FRY: variants seen among roughly 807,000 people sequenced by gnomAD.
The protein encoded by FRY is FRY microtubule binding protein.
A neutral mutation model predicts 348.4 loss-of-function variants in FRY; 128 were observed. The observed-to-expected ratio is 0.37, with a 90% CI of 0.32 to 0.43. The LOEUF is 0.43. FRY is among the 20% of genes least tolerant of loss of function. The pLI is 1.00. For missense variants in FRY, 2,736 were observed against 3,695.2 expected (o/e 0.74, Z 6.73); for synonymous variants, 1,370 against 1,374.7 (o/e 1.00, Z 0.08).
chr13:32,058,338 T>C (rs1303544424), intron 1 of FRY, among the ~76,000 whole-genome samples: 1 of 152,246 alleles, frequency 6.6e-6, no homozygotes, highest in Non-Finnish European at 1.5e-5. Flanking sequence ...ATCTGTTGCA[T>C]AAAATGCTAT....
At chr13:32,235,269 A>G (rs1404621834) in intron 42 of FRY, among the ~76,000 whole-genome samples, 2 of 152,230 alleles carry the variant, frequency 1.3e-5, no homozygotes, top group Admixed American at 1.3e-4. Context: ...TGGGAAGCTG[A>G]ACAGGTTGAG....
At chr13:32,041,313 A>G (rs1298898631) in intron 1 of FRY, among the ~76,000 whole-genome samples, 5 of 56,814 alleles carry the variant, frequency 8.8e-5, no homozygotes, top group African/African-American at 3.3e-4. Context: ...TTTTTTTTTG[A>G]GACAGAGTCT....
intron 2 of FRY, among the ~76,000 whole-genome samples, chr13:32,082,542 A>T (rs988897192): frequency 6.6e-6 from 1 of 152,228 alleles, no homozygotes; most frequent in Admixed American, 6.5e-5. Context: ...GCAGAAAATA[A>T]ATAATGGATA....
rs148726118 is a variant in FRY, at chr13:32,241,424, C to T, written c.6687+1543C>T. Among the ~76,000 whole-genome samples the T allele has an allele frequency of 4.1e-3, 631 of 152,314 alleles. 5 individuals are homozygous for T. Among genetic ancestry groups the T allele is most frequent in the South Asian group, 0.03 (143 of 4,828 alleles). ...ACAAAAGGACAAATATGACAAGATT[C>T]TGCTTATATGAGGTACAGAGATTAA... On this transcript the variant is annotated intron_variant, in intron 46 of 60. Coordinates refer to ENST00000542859, the MANE Select transcript of FRY (RefSeq NM_023037.3).
At chr13:32,046,322 A>G (rs949580924) in intron 1 of FRY, among the ~76,000 whole-genome samples, 1 of 152,178 alleles carries the variant, frequency 6.6e-6, no homozygotes, top group Non-Finnish European at 1.5e-5. Context: ...AGTTCTTGCT[A>G]TTGACCCACG....
chr13:32,284,850 T>A (rs551208995), intron 58 of FRY, among the ~76,000 whole-genome samples: 1 of 152,352 alleles, frequency 6.6e-6, no homozygotes, highest in South Asian at 2.1e-4. Flanking sequence ...CTTAGATTTT[T>A]ACTGACTGGT....
chr13:32,046,389 A>T (rs1873017790), intron 1 of FRY, among the ~76,000 whole-genome samples: 1 of 152,128 alleles, frequency 6.6e-6, no homozygotes, highest in African/African-American at 2.4e-5. Flanking sequence ...GTTAATGCCA[A>T]AAGATCTACC....
At chr13:32,207,620 A>C (rs1468932107) in intron 31 of FRY, among the ~76,000 whole-genome samples, 2 of 152,232 alleles carry the variant, frequency 1.3e-5, no homozygotes, top group African/African-American at 2.4e-5. Flanking sequence ...CACATCCATA[A>C]ATGTAGAAAT....
intron 23 of FRY, among the ~76,000 whole-genome samples, chr13:32,181,214 A>G (rs915871476): frequency 8.5e-5 from 13 of 152,160 alleles, no homozygotes; most frequent in Non-Finnish European, 1.3e-4. Context: ...AAAAGAAGTA[A>G]TTGTGGGTTC....
chr13:32,210,815 CTG>C (rs772173185), intron 33 of FRY, 49 bp from the exon 34 acceptor site: 3 of 1,479,812 alleles, frequency 2.0e-6, no homozygotes, highest in Non-Finnish European at 2.8e-6. Context: ...CCTAGTGTTC[CTG>C]TGGACTAGGC....
chr13:32,145,801 C>A (rs867051350), intron 11 of FRY, among the ~76,000 whole-genome samples: 11 of 151,918 alleles, frequency 7.2e-5, no homozygotes, highest in African/African-American at 2.4e-4. Flanking sequence ...GCCTCGGCCT[C>A]CCAAAGTGCT....
At chr13:32,282,794 A>T (rs753453029) in intron 58 of FRY, among the ~76,000 whole-genome samples, 7 of 152,264 alleles carry the variant, frequency 4.6e-5, no homozygotes, top group Non-Finnish European at 8.8e-5. Context: ...ATTCACAGAC[A>T]TGTTGTGTTA....
At chr13:32,031,994 C>G (rs1327322687) in intron 1 of FRY, 129 bp downstream of exon 1, 3 of 631,270 alleles carry the variant, frequency 4.8e-6, no homozygotes, top group Non-Finnish European at 8.4e-6. Flanking sequence ...CTTTTCTTTT[C>G]TTTTCTCTTT....
intron 29 of FRY, among the ~76,000 whole-genome samples, chr13:32,194,765 T>C (rs1049393495): frequency 1.3e-5 from 2 of 152,194 alleles, no homozygotes; most frequent in African/African-American, 4.8e-5. Context: ...TTCTATAGAT[T>C]ACACTTTTAA....
intron 17 of FRY, among the ~76,000 whole-genome samples, chr13:32,163,988 C>T (rs1324106534): frequency 6.6e-6 from 1 of 151,994 alleles, no homozygotes; most frequent in African/African-American, 2.4e-5. Flanking sequence ...TATGGGAAAC[C>T]CATGAAGGGA....
chr13:32,089,093 A>G (rs969221035), intron 2 of FRY, among the ~76,000 whole-genome samples: 4 of 152,232 alleles, frequency 2.6e-5, no homozygotes, highest in Non-Finnish European at 4.4e-5. Context: ...GTTTCCACAC[A>G]ACATTTTGCA....
At chr13:32,217,640 C>T (rs567064944) in intron 35 of FRY, among the ~76,000 whole-genome samples, 1 of 152,292 alleles carries the variant, frequency 6.6e-6, no homozygotes, top group Non-Finnish European at 1.5e-5. Context: ...TAAAGCTCCA[C>T]GCAGGGAGTT....
At chr13:32,223,025 C>T (rs1045028732) in intron 36 of FRY, among the ~76,000 whole-genome samples, 5 of 152,008 alleles carry the variant, frequency 3.3e-5, no homozygotes, top group African/African-American at 1.2e-4. Context: ...ATGATCTCGG[C>T]TCACTGCAAC....
chr13:32,100,325 C>T (rs1160749370), intron 2 of FRY, among the ~76,000 whole-genome samples: 7 of 151,832 alleles, frequency 4.6e-5, no homozygotes, highest in African/African-American at 7.3e-5. Context: ...GTGTTCTGCC[C>T]GCCTCGGCCT....
Sources: allele counts gnomAD v4.1 joint callset (sites outside exome capture counted in the v4.1 genomes callset), GRCh38; gene constraint gnomAD v4.1.1; transcripts MANE v1.5; gene names NCBI Gene and HGNC (gene_info 2026-07-23, HGNC 2026-07-21).